The following EYS variants were observed in gnomAD, a reference collection of about 807,000 sequenced individuals.
The protein encoded by EYS is EGF-like photoreceptor maintenance factor.
EYS carries 250 observed loss-of-function variants against 282.1 expected under a neutral mutation model. That is an observed-to-expected ratio of 0.89 (90% CI 0.80 to 0.98). The LOEUF is 0.98. EYS is among the 50% of genes least tolerant of loss of function. The pLI is 0.00. For synonymous variants in EYS, 1,355 were observed against 1,282.9 expected, an observed-to-expected ratio of 1.06 and a Z score of -1.20; for missense variants, 4,016 against 3,709.0, an observed-to-expected ratio of 1.08 and a Z score of -2.15.
At chr6:64,545,856 T>G (rs1270923788) in intron 26 of EYS, among the ~76,000 whole-genome samples, 3 of 152,016 alleles carry the variant, frequency 2.0e-5, no homozygotes, top group African/African-American at 7.3e-5. Context: ...AAACCACTGC[T>G]CAATGAAATA....
At chr6:65,135,537 T>G (rs186392829) in intron 12 of EYS, among the ~76,000 whole-genome samples, 1 of 152,160 alleles carries the variant, frequency 6.6e-6, no homozygotes, top group Admixed American at 6.6e-5. Context: ...TCAGTGGATT[T>G]AAAATAGATA....
In EYS at chr6:64,038,167, G is replaced by C. The variant is rs187312246; in HGVS notation, c.6725+28171C>G. 5.3e-5 allele frequency among the ~76,000 whole-genome samples: 8 copies of C among 152,134 alleles called. No homozygotes were observed. The East Asian group carries it at 1.5e-3, about 29-fold the overall frequency. ...TGGGGGTTAAGTGGGGATGTGGATT[G>C]GGGGATGTGGATAGGGCAGATGTTG... On this transcript the variant is annotated intron_variant, in intron 33 of 42. Coordinates refer to ENST00000503581, the MANE Select transcript of EYS (RefSeq NM_001142800.2).
chr6:65,166,812 G>A (rs984991198), intron 12 of EYS, among the ~76,000 whole-genome samples: 38 of 151,092 alleles, frequency 2.5e-4, no homozygotes, highest in Non-Finnish European at 3.0e-4. Flanking sequence ...CACTAATTCA[G>A]TATATAGAAT....
chr6:65,105,211 C>A (rs781462174), intron 12 of EYS, among the ~76,000 whole-genome samples: 2 of 151,632 alleles, frequency 1.3e-5, no homozygotes, highest in Non-Finnish European at 3.0e-5. Flanking sequence ...ATGCAAAAAT[C>A]AAACAATTTT....
chr6:64,255,362 C>T (rs1382146066), intron 30 of EYS, among the ~76,000 whole-genome samples: 2 of 152,082 alleles, frequency 1.3e-5, no homozygotes, highest in Non-Finnish European at 2.9e-5. Context: ...CTATGAGCAT[C>T]ATCTTTCTTT....
intron 12 of EYS, among the ~76,000 whole-genome samples, chr6:65,289,287 G>A (rs1430168292): frequency 6.6e-6 from 1 of 150,818 alleles, no homozygotes; most frequent in Non-Finnish European, 1.5e-5. Flanking sequence ...AAACCAACTG[G>A]CATGAGGACC....
At chr6:64,131,141 A>C (rs1773964459) in intron 31 of EYS, among the ~76,000 whole-genome samples, 1 of 152,166 alleles carries the variant, frequency 6.6e-6, no homozygotes, top group African/African-American at 2.4e-5. Context: ...TGCTGGGATT[A>C]CAGGCATGAG....
At chr6:64,745,918 C>T (rs1021279493) in intron 22 of EYS, among the ~76,000 whole-genome samples, 9 of 152,108 alleles carry the variant, frequency 5.9e-5, no homozygotes, top group African/African-American at 2.2e-4. Flanking sequence ...TTGCAAGCAT[C>T]ACACATATCC....
chr6:65,227,307 A>C (rs895160043), intron 12 of EYS, among the ~76,000 whole-genome samples: 1 of 152,196 alleles, frequency 6.6e-6, no homozygotes, highest in Non-Finnish European at 1.5e-5. Context: ...TAATGATTAC[A>C]AGGGGCTGAG....
intron 11 of EYS, chr6:65,300,830 G>A (rs1768800265): frequency 6.6e-6 from 1 of 152,130 alleles, no homozygotes; most frequent in African/African-American, 2.4e-5. Flanking sequence ...GCAGAATAGG[G>A]AAAAATACCT....
At chr6:65,089,523 G>A (rs566209032) in intron 12 of EYS, among the ~76,000 whole-genome samples, 1 of 152,224 alleles carries the variant, frequency 6.6e-6, no homozygotes, top group East Asian at 1.9e-4. Context: ...GTATTTACCC[G>A]ATGCTGGTAT....
intron 33 of EYS, among the ~76,000 whole-genome samples, chr6:64,025,502 T>C (rs1320010274): frequency 6.6e-6 from 1 of 152,190 alleles, no homozygotes; most frequent in Non-Finnish European, 1.5e-5. Flanking sequence ...GTCCTCCTTC[T>C]AAAAATTGCT....
chr6:64,032,114 A>C (rs1191253692), intron 33 of EYS, among the ~76,000 whole-genome samples: 3 of 152,144 alleles, frequency 2.0e-5, no homozygotes, highest in African/African-American at 7.2e-5. Flanking sequence ...CAGACGTGCC[A>C]CCTTAAGAGC....
intron 31 of EYS, among the ~76,000 whole-genome samples, chr6:64,158,335 T>C (rs1017970313): frequency 4.6e-5 from 7 of 152,100 alleles, no homozygotes; most frequent in African/African-American, 1.7e-4. Flanking sequence ...TAATGGAATG[T>C]AACTTCTGTT....
intron 21 of EYS, among the ~76,000 whole-genome samples, chr6:64,821,045 C>T (rs976920248): frequency 2.0e-5 from 3 of 151,928 alleles, no homozygotes; most frequent in Non-Finnish European, 2.9e-5. Flanking sequence ...CCAAAAGGCT[C>T]ACAAGATTCT....
Position 65,445,792 on chromosome 6 carries a change from C to A in EYS, c.863-40425G>T, listed in dbSNP as rs557403320. 8.9e-4 allele frequency among the ~76,000 whole-genome samples: 135 copies of A among 151,808 alleles called. 2 individuals carry two copies. The highest frequency in any genetic ancestry group is 2.6e-3 in the African/African-American group (109 of 41,532). ...AATTCAGTTCTACTTTATTGATGTTCTCTGAACTTCCTTTTTAAGAGTTAA... is the reference window on the plus strand; with the variant it reads ...AATTCAGTTCTACTTTATTGATGTTATCTGAACTTCCTTTTTAAGAGTTAA... On this transcript the variant is annotated intron_variant, in intron 5 of 42. Coordinates refer to ENST00000503581, the MANE Select transcript of EYS (RefSeq NM_001142800.2).
At chr6:64,270,569 G>C (rs573241916) in intron 30 of EYS, among the ~76,000 whole-genome samples, 1 of 152,050 alleles carries the variant, frequency 6.6e-6, no homozygotes, top group Admixed American at 6.6e-5. Context: ...ATTTATATGC[G>C]CTGATATATA....
At chr6:65,559,324 G>C (rs1367399265) in intron 2 of EYS, among the ~76,000 whole-genome samples, 2 of 152,170 alleles carry the variant, frequency 1.3e-5, no homozygotes, top group Non-Finnish European at 2.9e-5. Context: ...CAAGGTTGCA[G>C]TGAGCTGAGA....
chr6:65,391,705 T>C (rs1766040911), intron 7 of EYS, among the ~76,000 whole-genome samples: 1 of 152,150 alleles, frequency 6.6e-6, no homozygotes, highest in Admixed American at 6.6e-5. Context: ...TCCATGCTCA[T>C]GGGTAGGAAG....
Sources: allele counts gnomAD v4.1 joint callset (sites outside exome capture counted in the v4.1 genomes callset), GRCh38; gene constraint gnomAD v4.1.1; transcripts MANE v1.5; gene names NCBI Gene and HGNC (gene_info 2026-07-23, HGNC 2026-07-21).